The following OS9 variants were observed in gnomAD, a reference collection of about 807,000 sequenced individuals.
The protein encoded by OS9 is OS9 endoplasmic reticulum lectin, also known as protein OS-9.
Under a neutral mutation model 84.7 loss-of-function variants are expected in OS9, and 58 were observed. That is an observed-to-expected ratio of 0.68 (90% CI 0.55 to 0.85). The LOEUF (loss-of-function observed/expected upper bound fraction) is 0.85. Ranked by LOEUF, OS9 falls within the 40% of genes least tolerant of loss-of-function variation. The pLI, the probability that OS9 is intolerant of heterozygous loss-of-function variation, is 0.00. For synonymous variants in OS9, 278 were observed against 320.8 expected (o/e 0.87, Z 1.43); for missense variants, 760 against 850.9 (o/e 0.89, Z 1.33).
intron 5 of OS9, among the ~76,000 whole-genome samples, chr12:57,699,925 A>G (rs1486225349): frequency 1.3e-5 from 2 of 152,072 alleles, no homozygotes; most frequent in Non-Finnish European, 2.9e-5. Context: ...GTGAAACCCC[A>G]TGTCTACTAA....
At chr12:57,696,471 G>T (rs1425617306) in intron 5 of OS9, 98 bp downstream of exon 5, 1 of 459,146 alleles carries the variant, frequency 2.2e-6, no homozygotes, top group Non-Finnish European at 3.8e-6. Flanking sequence ...GGCGGGGGGG[G>T]TCCCCTCCCA....
intron 5 of OS9, among the ~76,000 whole-genome samples, chr12:57,708,122 A>G (rs1954224397): frequency 6.6e-6 from 1 of 152,024 alleles, no homozygotes; most frequent in Non-Finnish European, 1.5e-5. Flanking sequence ...TCTATATTAA[A>G]TTTTCTGAAT....
chr12:57,702,009 C>CTGGT, intron 5 of OS9, among the ~76,000 whole-genome samples: 1 of 152,138 alleles, frequency 6.6e-6, no homozygotes, highest in East Asian at 1.9e-4. Context: ...GTTGGCCAGG[C>CTGGT]TGGTCTTGAA....
At chr12:57,706,429 C>A (rs1053439233) in intron 5 of OS9, among the ~76,000 whole-genome samples, 3 of 151,574 alleles carry the variant, frequency 2.0e-5, no homozygotes, top group African/African-American at 7.3e-5. Flanking sequence ...GTGAATTGGT[C>A]TATAATTTTC....
At chr12:57,717,330 C>T (rs886548090) in intron 9 of OS9, among the ~76,000 whole-genome samples, 2 of 152,204 alleles carry the variant, frequency 1.3e-5, no homozygotes, top group African/African-American at 4.8e-5. Flanking sequence ...GAGGCAGGGA[C>T]CATGTCCTTC....
At chr12:57,719,312 T>C in intron 12 of OS9, 130 bp downstream of exon 12, 2 of 710,672 alleles carry the variant, frequency 2.8e-6, no homozygotes, top group Non-Finnish European at 4.7e-6. Flanking sequence ...TCTGGAACAC[T>C]GTCCTCACTT....
rs749835077 is a variant in OS9 at position 57,720,456 on chromosome 12, G to A, written c.1816G>A (p.Gly606Ser). 47 of 1,614,046 alleles carry A rather than the reference G, an allele frequency of 2.9e-5. No individual in the cohort carries two copies. Among genetic ancestry groups the A allele is most frequent in the Non-Finnish European group, 3.8e-5 (45 of 1,179,976 alleles). Residue 606 changes from glycine to serine, a missense_variant, in exon 14 of 15, where the codon GGT (glycine) becomes AGT (serine). By Grantham distance (56) the Gly-to-Ser change is moderately conservative (BLOSUM62 0). Coordinates refer to ENST00000315970, the MANE Select transcript of OS9 (RefSeq NM_006812.4). Reference sequence around the variant, plus strand: ...CCCATGGGCTGAAGGGACTGAAGAGGGTGCACGTTGGCTGACTGATGAGGA... The same window carrying A: ...CCCATGGGCTGAAGGGACTGAAGAGAGTGCACGTTGGCTGACTGATGAGGA... ...VRPWAEGTEE[G>S]ARWLTDEDTR...
chr12:57,695,525 T>C, intron 2 of OS9: 1 of 677,318 alleles, frequency 1.5e-6, no homozygotes, highest in South Asian at 1.5e-5. Flanking sequence ...AATAAGGATT[T>C]AAAAAATCTT....
At chr12:57,706,836 A>G (rs949921757) in intron 5 of OS9, among the ~76,000 whole-genome samples, 1 of 124,882 alleles carries the variant, frequency 8.0e-6, no homozygotes, top group African/African-American at 3.1e-5. Context: ...GTGACAGAGC[A>G]TGACTCTCTG....
intron 5 of OS9, among the ~76,000 whole-genome samples, chr12:57,706,927 G>T (rs6581153): frequency 1 from 149,919 of 149,920 alleles, 74,959 homozygotes; most frequent in Middle Eastern, 1. Flanking sequence ...CGGTATATTG[G>T]GGGGATCGTT....
intron 5 of OS9, among the ~76,000 whole-genome samples, chr12:57,703,490 AT>A (rs1954081077): frequency 6.6e-6 from 1 of 152,180 alleles, no homozygotes; most frequent in Admixed American, 6.5e-5. Flanking sequence ...TTTTCCTGGC[AT>A]CGTTTGTTGA....
intron 5 of OS9, among the ~76,000 whole-genome samples, chr12:57,710,864 A>T (rs1479843786): frequency 1.3e-5 from 2 of 151,866 alleles, no homozygotes; most frequent in African/African-American, 4.8e-5. Context: ...ATATGGTGAA[A>T]CCCTGTCTCT....
At chr12:57,718,898 C>A in intron 11 of OS9, 95 bp from the exon 12 acceptor site, 1 of 884,738 alleles carries the variant, frequency 1.1e-6, no homozygotes. Flanking sequence ...AGCAAAACTC[C>A]ATTTCAAAAT....
At chr12:57,694,459 C>A in intron 1 of OS9, 136 bp downstream of exon 1, 1 of 968,634 alleles carries the variant, frequency 1.0e-6, no homozygotes, top group Non-Finnish European at 1.5e-6. Context: ...TTACGGTGAC[C>A]CCTGGGGGTC....
intron 5 of OS9, among the ~76,000 whole-genome samples, chr12:57,711,075 C>T (rs1954314637): frequency 1.4e-5 from 2 of 147,790 alleles, no homozygotes; most frequent in African/African-American, 2.5e-5. Flanking sequence ...AAAAATATTT[C>T]CTCCCATACT....
At chr12:57,718,597 G>T (rs1954582323) in intron 11 of OS9, among the ~76,000 whole-genome samples, 176 bp downstream of exon 11, 1 of 152,136 alleles carries the variant, frequency 6.6e-6, no homozygotes, top group African/African-American at 2.4e-5. Flanking sequence ...CAGAGAGAGG[G>T]ACAAGACTTA....
chr12:57,718,994 C>A lies in OS9; in HGVS notation c.1412C>A (p.Thr471Lys). Residue 471 changes from threonine (T) to lysine (K), a missense_variant and splice_region_variant, in exon 12 of 15, where the codon ACA (threonine) becomes AAA (lysine). By Grantham distance (78) the Thr-to-Lys change is moderately conservative (BLOSUM62 -1). Coordinates refer to ENST00000315970, the MANE Select transcript of OS9 (RefSeq NM_006812.4). ...ERELENIIQE[T>K]EKELDPDGLK... is the part of the protein sequence containing the mutation. ...ACTCTCTTCTCTTGGGTATTCCAGA[C>A]AGAGAAAGAGCTGGACCCAGATGGG... 1 of 1,612,086 alleles carries A rather than the reference C, an allele frequency of 6.2e-7. No individual in the cohort carries two copies. The highest frequency in any genetic ancestry group is 8.5e-7 in the Non-Finnish European group (1 of 1,178,950).
chr12:57,719,248 C>A, intron 12 of OS9, 66 bp downstream of exon 12: 1 of 1,398,678 alleles, frequency 7.1e-7, no homozygotes, highest in Non-Finnish European at 1.0e-6. Flanking sequence ...TGGTTCTGTT[C>A]CCAGAGGGGA....
At chr12:57,709,808 C>T (rs911938286) in intron 5 of OS9, among the ~76,000 whole-genome samples, 1 of 151,490 alleles carries the variant, frequency 6.6e-6, no homozygotes, top group Non-Finnish European at 1.5e-5. Flanking sequence ...TGAAATGAAC[C>T]AAATGTGGTC....
Sources: allele counts gnomAD v4.1 joint callset (sites outside exome capture counted in the v4.1 genomes callset), GRCh38; gene constraint gnomAD v4.1.1; transcripts MANE v1.5; gene names NCBI Gene and HGNC (gene_info 2026-07-23, HGNC 2026-07-21).